Variants in PRUNE2 observed in about 807,000 individuals in gnomAD.
The protein encoded by PRUNE2 is prune homolog 2 with BCH domain, also known as protein prune homolog 2.
PRUNE2 carries 164 observed loss-of-function variants against 252.0 expected under a neutral mutation model. The ratio of observed to expected loss-of-function variants is 0.65; its 90% CI spans 0.57 to 0.74. The LOEUF is 0.74. PRUNE2 is among the 30% of genes least tolerant of loss of function. The pLI, the probability that PRUNE2 is intolerant of heterozygous loss-of-function variation, is 0.00. For synonymous variants in PRUNE2, 1,292 were observed against 1,350.2 expected (o/e 0.96, Z 0.94); for missense variants, 3,495 against 3,711.0 (o/e 0.94, Z 1.51).
At chr9:76,670,001 G>T (rs527875043) in intron 9 of PRUNE2, among the ~76,000 whole-genome samples, 1 of 152,104 alleles carries the variant, frequency 6.6e-6, no homozygotes, top group Admixed American at 6.5e-5. Context: ...CTCAGCCTTG[G>T]ACCCTAGTTG....
chr9:76,700,004 G>A (rs1046854362), intron 9 of PRUNE2, among the ~76,000 whole-genome samples: 21 of 152,182 alleles, frequency 1.4e-4, no homozygotes, highest in Admixed American at 6.5e-4. Flanking sequence ...GGATGACCAA[G>A]GTGTTGGCAA....
chr9:76,872,166 T>C (rs1219956620), intron 1 of PRUNE2, among the ~76,000 whole-genome samples: 1 of 151,986 alleles, frequency 6.6e-6, no homozygotes. Flanking sequence ...GGGTGCAGCA[T>C]CTGCAAGCCC....
Position 76,706,757 on chromosome 9 carries a change from T to C in PRUNE2, c.5517A>G (p.Leu1839=). The change falls in exon 8 of 19, where the codon CTA becomes CTG. Residue 1839 remains leucine (L), a synonymous_variant. Transcript: ENST00000376718. Reference sequence around the variant, plus strand: ...GCTCCCTTTCAAATGGACTTTCAATTAGTCTCCCTTCCTGGGGTGAGGCCT... The same window carrying C: ...GCTCCCTTTCAAATGGACTTTCAATCAGTCTCCCTTCCTGGGGTGAGGCCT... ...WWKASPQEGR[L]IESPFERELS... 1.2e-6 allele frequency: 2 copies of C among 1,612,080 alleles called. No homozygotes were observed. Among genetic ancestry groups the C allele is most frequent in the South Asian group, 2.2e-5 (2 of 90,652 alleles).
At chr9:76,724,711 A>T (rs2047958659) in intron 6 of PRUNE2, among the ~76,000 whole-genome samples, 2 of 152,212 alleles carry the variant, frequency 1.3e-5, no homozygotes, top group South Asian at 4.1e-4. Context: ...CAACCAATCA[A>T]AGACAAATAA....
chr9:76,850,284 T>C (rs1164552563), intron 3 of PRUNE2, among the ~76,000 whole-genome samples, 179 bp downstream of exon 3: 1 of 152,136 alleles, frequency 6.6e-6, no homozygotes, highest in East Asian at 1.9e-4. Context: ...TGGCCTCAAG[T>C]GATCCGCCCA....
chr9:76,711,805 T>C (rs1384193872), intron 7 of PRUNE2, among the ~76,000 whole-genome samples: 1 of 152,222 alleles, frequency 6.6e-6, no homozygotes, highest in Non-Finnish European at 1.5e-5. Context: ...GAACCTCTGA[T>C]AGCTTCAGAA....
chr9:76,747,096 C>G (rs968239718), intron 6 of PRUNE2, among the ~76,000 whole-genome samples: 5 of 152,156 alleles, frequency 3.3e-5, no homozygotes, highest in African/African-American at 1.2e-4. Flanking sequence ...CTTGAGGGAT[C>G]TGCTGCTAAC....
At chr9:76,746,235 C>G (rs941738930) in intron 6 of PRUNE2, among the ~76,000 whole-genome samples, 1 of 152,066 alleles carries the variant, frequency 6.6e-6, no homozygotes, top group Non-Finnish European at 1.5e-5. Context: ...GCTGGGGGCC[C>G]CTAAATAGCT....
Position 76,870,685 on chromosome 9 carries a change from C to CAAA in PRUNE2, c.37-16480_37-16478dup, listed in dbSNP as rs199892073. On this transcript the variant is annotated intron_variant, in intron 1 of 18. Transcript: ENST00000376718. ...TGGGTGACAGAGCGAGATTCTGTCT[C>CAAA]AAAAAAAAAAAAAAAAAATCCTCAA... Among the ~76,000 whole-genome samples, 342 of 82,312 alleles carry CAAA rather than the reference C, an allele frequency of 4.2e-3. 2 individuals are homozygous for CAAA. Among genetic ancestry groups the CAAA allele is most frequent in the African/African-American group, 0.013 (326 of 24,522 alleles). 54.0% of individuals were successfully genotyped at this position (82,312 alleles called of 152,430 possible). A position where few individuals can be genotyped will look rare whatever the true frequency, so the allele number is the denominator to read the frequency against.
intron 2 of PRUNE2, 62 bp from the exon 3 acceptor site, chr9:76,850,727 T>C: frequency 2.4e-6 from 3 of 1,272,050 alleles, no homozygotes; most frequent in Non-Finnish European, 3.4e-6. Flanking sequence ...ACAATTACAT[T>C]TTCTCCAGCC....
chr9:76,881,746 C>T (rs1303292727), intron 1 of PRUNE2, among the ~76,000 whole-genome samples: 3 of 151,974 alleles, frequency 2.0e-5, no homozygotes, highest in African/African-American at 4.8e-5. Flanking sequence ...CTCAGCCTCC[C>T]GAGTAGCTGG....
intron 6 of PRUNE2, among the ~76,000 whole-genome samples, chr9:76,765,370 G>C (rs1168480088): frequency 6.6e-6 from 1 of 152,148 alleles, no homozygotes; most frequent in Non-Finnish European, 1.5e-5. Context: ...ATAAGAATAG[G>C]TAAATAGTCC....
intron 6 of PRUNE2, among the ~76,000 whole-genome samples, chr9:76,721,333 G>C (rs1459789679): frequency 6.6e-6 from 1 of 152,160 alleles, no homozygotes; most frequent in African/African-American, 2.4e-5. Flanking sequence ...ATGACCTTCA[G>C]TGAATTTTAC....
intron 9 of PRUNE2, among the ~76,000 whole-genome samples, chr9:76,683,547 A>G (rs1185580760): frequency 1.3e-5 from 2 of 152,194 alleles, no homozygotes; most frequent in Non-Finnish European, 2.9e-5. Flanking sequence ...CCTCACTGAT[A>G]AAACAGATTG....
intron 6 of PRUNE2, chr9:76,788,329 C>A: frequency 3.0e-6 from 2 of 671,938 alleles, no homozygotes; most frequent in East Asian, 2.7e-5. Flanking sequence ...AGAGTTACCA[C>A]AAGTAAATGA....
chr9:76,638,058 CCTTA>C (rs1840901756), intron 13 of PRUNE2, 124 bp downstream of exon 13: 1 of 655,680 alleles, frequency 1.5e-6, no homozygotes, highest in Non-Finnish European at 2.7e-6. Flanking sequence ...TTGACAGAAA[CCTTA>C]CTGACTTTTC....
At chr9:76,854,069 C>A in intron 2 of PRUNE2, 35 bp downstream of exon 2, 1 of 1,029,732 alleles carries the variant, frequency 9.7e-7, no homozygotes, top group Non-Finnish European at 1.5e-6. Context: ...CATAATAATT[C>A]AAAATATAAG....
intron 6 of PRUNE2, among the ~76,000 whole-genome samples, chr9:76,727,701 T>C (rs1325408052): frequency 7.3e-6 from 1 of 136,202 alleles, no homozygotes; most frequent in African/African-American, 2.7e-5. Context: ...TAGTTATGGG[T>C]AAACAGGGCT....
chr9:76,718,531 C>A (rs1207269252), intron 6 of PRUNE2, among the ~76,000 whole-genome samples: 1 of 152,204 alleles, frequency 6.6e-6, no homozygotes, highest in African/African-American at 2.4e-5. Context: ...TGTTTTGAAA[C>A]ACTTAATTCC....
Sources: gnomAD v4.1 joint callset for allele counts (sites outside exome capture counted in the v4.1 genomes callset) on GRCh38, gnomAD v4.1.1 for gene constraint, MANE v1.5 for transcripts, NCBI Gene and HGNC (gene_info 2026-07-23, HGNC 2026-07-21) for gene names.